The following MITF variants were observed in gnomAD, a reference collection of about 807,000 sequenced individuals.
The protein encoded by MITF is melanocyte inducing transcription factor, also known as microphthalmia-associated transcription factor.
A neutral mutation model predicts 60.5 loss-of-function variants in MITF; 17 were observed. The observed-to-expected ratio is 0.28, with a 90% confidence interval of 0.19 to 0.42. The LOEUF (loss-of-function observed/expected upper bound fraction) is 0.42. Ranked by LOEUF, MITF falls within the 10% of genes least tolerant of loss-of-function variation. The pLI, the probability that MITF is intolerant of heterozygous loss-of-function variation, is 1.00. For synonymous variants in MITF, 260 were observed against 248.5 expected (o/e 1.05, Z -0.43); for missense variants, 622 against 683.5 (o/e 0.91, Z 1.00).
chr3:69,873,951 A>G (rs991262205), intron 1 of MITF, among the ~76,000 whole-genome samples: 1 of 152,158 alleles, frequency 6.6e-6, no homozygotes, highest in African/African-American at 2.4e-5. Context: ...GTTCTCAGCG[A>G]ATTTTGTTTT....
rs565033376 is a variant in MITF, at chr3:69,785,323, T to C, written c.104+45622T>C. Among the ~76,000 whole-genome samples, 5 of 152,302 alleles carry C rather than the reference T, an allele frequency of 3.3e-5. No homozygotes were observed. In the South Asian group the frequency reaches 8.3e-4, roughly 25 times the overall value. On this transcript the variant is annotated intron_variant, in intron 1 of 9. Transcript: ENST00000352241. ...TTTAACAGCAGTAGTGAGCATTTAC[T>C]GATGCTTCCCATGTGCCAGGCACTC... is the stretch of plus-strand genomic sequence containing the variant.
intron 1 of MITF, among the ~76,000 whole-genome samples, chr3:69,739,916 G>A (rs1196187798): frequency 6.6e-6 from 1 of 152,112 alleles, no homozygotes; most frequent in Admixed American, 6.5e-5. Context: ...ACTTCGCGGG[G>A]GCGCGGCGGG....
intron 1 of MITF, among the ~76,000 whole-genome samples, chr3:69,782,993 AT>A (rs758597960): frequency 1.3e-5 from 2 of 152,202 alleles, no homozygotes; most frequent in Non-Finnish European, 2.9e-5. Flanking sequence ...GATAAGAAAA[AT>A]TATTCTCATC....
Position 69,964,865 on chromosome 3 carries a change from C to A in MITF, c.1198C>A (p.Arg400=), listed in dbSNP as rs1464157509. 1.2e-6 allele frequency: 2 copies of A among 1,613,946 alleles called. No homozygotes were observed. The highest frequency in any genetic ancestry group is 1.7e-6 in the Non-Finnish European group (2 of 1,180,008). Residue 400 remains arginine, a synonymous_variant, in exon 10 of 10, where the codon CGA becomes AGA. Transcript: ENST00000352241. The stretch of plus-strand genomic sequence containing the variant: ...ATTATAGGAACTTGAAATGCAGGCT[C>A]GAGCTCATGGACTTTCCCTTATTCC... ...LRIQELEMQA[R]AHGLSLIPST...
intron 1 of MITF, among the ~76,000 whole-genome samples, chr3:69,854,981 C>T (rs1030949992): frequency 1.9e-4 from 29 of 152,126 alleles, no homozygotes; most frequent in Non-Finnish European, 1.5e-5. Flanking sequence ...CCCATCCCAG[C>T]CCTAGGTTGG....
intron 1 of MITF, 103 bp from the exon 2 acceptor site, chr3:69,879,031 C>G: frequency 1.1e-6 from 1 of 886,482 alleles, no homozygotes; most frequent in Middle Eastern, 2.5e-4. Flanking sequence ...TATATTTGCG[C>G]AGACTCATTT....
At chr3:69,927,809 C>T (rs150895912) in intron 2 of MITF, among the ~76,000 whole-genome samples, 4 of 152,282 alleles carry the variant, frequency 2.6e-5, no homozygotes, top group African/African-American at 9.6e-5. Context: ...CACACATCAC[C>T]CCCACAACAA....
chr3:69,914,699 G>T (rs1273869332), intron 2 of MITF, among the ~76,000 whole-genome samples: 2 of 152,158 alleles, frequency 1.3e-5, no homozygotes, highest in African/African-American at 4.8e-5. Context: ...ATTGCCAAGG[G>T]CTGGGTAGTT....
chr3:69,822,175 T>G (rs1343224979), intron 1 of MITF, among the ~76,000 whole-genome samples: 1 of 152,228 alleles, frequency 6.6e-6, no homozygotes, highest in Non-Finnish European at 1.5e-5. Flanking sequence ...TCTTCATGGA[T>G]GCCCCTACAA....
chr3:69,879,029 C>G, intron 1 of MITF, 105 bp from the exon 2 acceptor site: 1 of 866,894 alleles, frequency 1.2e-6, no homozygotes. Context: ...ATTATATTTG[C>G]GCAGACTCAT....
At chr3:69,882,736 T>C (rs1046919891) in intron 2 of MITF, among the ~76,000 whole-genome samples, 87 of 152,168 alleles carry the variant, frequency 5.7e-4, no homozygotes, top group African/African-American at 1.9e-3. Flanking sequence ...AGCTAAAGCA[T>C]CACGGTACAA....
In MITF at chr3:69,951,699, T is replaced by TA. The variant is rs1415925368; in HGVS notation, c.881-112dup. The TA allele has an allele frequency of 3.8e-6, 3 of 787,158 alleles. No homozygotes were observed. The African/African-American group carries it at 5.2e-5, about 14-fold the overall frequency. 48.8% of individuals were successfully genotyped at this position (787,158 alleles called of 1,614,324 possible). Reference sequence around the variant, plus strand: ...ATTTTTAAAAAAACGTATTTTTACTTAGAGTCAAGTCAAATAAGCTTCTGT... The same window carrying TA: ...ATTTTTAAAAAAACGTATTTTTACTTAAGAGTCAAGTCAAATAAGCTTCTGT... On this transcript the variant is annotated intron_variant, in intron 6 of 9. Coordinates refer to ENST00000352241, the MANE Select transcript of MITF (RefSeq NM_001354604.2).
rs539653773 is a variant in MITF at position 69,868,669 on chromosome 3, G to A, written c.105-10465G>A. ...TAATCCCAGCACTTTGGGAGGACAA[G>A]GCAGGTGGATCATGAGGTCAGGAGT... On this transcript the variant is annotated intron_variant, in intron 1 of 9. Transcript: ENST00000352241. 2.0e-5 allele frequency among the ~76,000 whole-genome samples: 3 copies of A among 152,210 alleles called. No individual in the cohort carries two copies. In the South Asian group the frequency reaches 6.2e-4, roughly 32 times the overall value.
At chr3:69,829,009 C>T (rs2063402650) in intron 1 of MITF, among the ~76,000 whole-genome samples, 1 of 151,982 alleles carries the variant, frequency 6.6e-6, no homozygotes, top group Non-Finnish European at 1.5e-5. Context: ...GACCCATGGA[C>T]TGGACTGCTT....
intron 1 of MITF, among the ~76,000 whole-genome samples, chr3:69,790,327 G>A (rs1316331968): frequency 1.3e-5 from 2 of 152,126 alleles, no homozygotes; most frequent in African/African-American, 4.8e-5. Flanking sequence ...TAGGGGGAGG[G>A]GGTAGTGGGA....
At position 69,938,003 on chromosome 3, in the gene MITF, A is replaced by C. The variant is rs2065883726; in HGVS notation, c.536A>C (p.Asn179Thr). The change falls in exon 3 of 10, where the codon AAC (asparagine) becomes ACC (threonine). Residue 179 changes from asparagine (N) to threonine (T), a missense_variant. By Grantham distance (65) the Asn-to-Thr change is moderately conservative. Around this residue, in one of 5 missense-constraint regions of MITF, gnomAD observed 215 missense variants for 224.8 expected, o/e 0.96. Transcript: ENST00000352241. Reference protein sequence around the residue: ...MPPVPGSSAPNSPMAMLTLNS... With the variant: ...MPPVPGSSAPTSPMAMLTLNS... ...CCGGTGCCGGGGAGCAGCGCACCCA[A>C]CAGCCCCATGGCTATGCTTACGCTT... is the stretch of plus-strand genomic sequence containing the variant. The C allele has an allele frequency of 6.2e-7, 1 of 1,614,190 alleles. No individual in the cohort carries two copies. The highest frequency in any genetic ancestry group is 1.6e-4 in the Middle Eastern group (1 of 6,062).
In MITF at chr3:69,873,043, G is replaced by T. The variant is rs572739884; in HGVS notation, c.105-6091G>T. 2.3e-4 allele frequency among the ~76,000 whole-genome samples: 35 copies of T among 152,252 alleles called. No individual in the cohort carries two copies. In the South Asian group the frequency reaches 7.3e-3, roughly 32 times the overall value. The stretch of plus-strand genomic sequence containing the variant: ...GAGACCTGGAGTATTTATTATCTGA[G>T]CTGCTCATGTTACCCCCAAAAAGGT... On this transcript the variant is annotated intron_variant, in intron 1 of 9. Coordinates refer to ENST00000352241, the MANE Select transcript of MITF (RefSeq NM_001354604.2).
chr3:69,741,564 C>G (rs1246917250), intron 1 of MITF, among the ~76,000 whole-genome samples: 2 of 152,132 alleles, frequency 1.3e-5, no homozygotes, highest in Admixed American at 1.3e-4. Flanking sequence ...TCCTCAGTAG[C>G]TAGCTAGCAG....
chr3:69,920,966 C>G (rs1462668617), intron 2 of MITF, among the ~76,000 whole-genome samples: 1 of 152,204 alleles, frequency 6.6e-6, no homozygotes, highest in Non-Finnish European at 1.5e-5. Context: ...CTCCCTGGTT[C>G]AAGCAATTCC....
Sources: gnomAD v4.1 joint callset for allele counts (sites outside exome capture counted in the v4.1 genomes callset) on GRCh38, gnomAD v4.1.1 for gene constraint, gnomAD v4.1.1 regional missense constraint, MANE v1.5 for transcripts, NCBI Gene and HGNC (gene_info 2026-07-23, HGNC 2026-07-21) for gene names.